GLRA3: variants seen among roughly 807,000 people sequenced by gnomAD.
GLRA3 encodes the protein glycine receptor alpha 3.
In GLRA3, 44 loss-of-function variants were observed where a neutral mutation model predicts 60.4. The observed-to-expected ratio is 0.73, with a 90% CI of 0.57 to 0.94. The LOEUF is 0.94. Among genes scored for constraint, GLRA3 ranks in the 40% least tolerant of loss-of-function variants. GLRA3 has a pLI of 0.00. For synonymous variants in GLRA3, 223 were observed against 192.9 expected (o/e 1.16, Z -1.29); for missense variants, 508 against 564.6 (o/e 0.90, Z 1.02).
chr4:174,786,818 C>CA (rs1249741276), intron 2 of GLRA3, among the ~76,000 whole-genome samples: 2 of 152,036 alleles, frequency 1.3e-5, no homozygotes, highest in Non-Finnish European at 2.9e-5. Context: ...ATGTTCAGAG[C>CA]ACAAGATATT....
chr4:174,653,700 A>T (rs1733100854), intron 9 of GLRA3, among the ~76,000 whole-genome samples: 1 of 152,042 alleles, frequency 6.6e-6, no homozygotes, highest in African/African-American at 2.4e-5. Context: ...TGTTAGATTC[A>T]CTTACTGCCA....
chr4:174,702,193 C>T (rs186595725), intron 5 of GLRA3, among the ~76,000 whole-genome samples: 83 of 152,238 alleles, frequency 5.5e-4, no homozygotes, highest in African/African-American at 1.9e-3. Flanking sequence ...CTTCAGCAAC[C>T]AGCATCCCAT....
intron 3 of GLRA3, among the ~76,000 whole-genome samples, chr4:174,736,448 A>C (rs370425836): frequency 9.7e-4 from 147 of 152,238 alleles, no homozygotes; most frequent in African/African-American, 3.3e-3. Context: ...CCCACAAGGA[A>C]ATCCTGTATC....
rs540096155 is a variant in GLRA3, at chr4:174,677,766, G to A, written c.713-474C>T. 3.3e-5 allele frequency among the ~76,000 whole-genome samples: 5 copies of A among 152,258 alleles called. No homozygotes were observed. In the South Asian group the frequency reaches 1.0e-3, roughly 32 times the overall value. ...TATTTTTCACTGTTAGCATCAAGAAGCAATGTAGTAAAGAGAGCGTACTCT... is the reference window on the plus strand; with the variant it reads ...TATTTTTCACTGTTAGCATCAAGAAACAATGTAGTAAAGAGAGCGTACTCT... On this transcript the variant is annotated intron_variant, in intron 6 of 9. Coordinates refer to ENST00000274093, the MANE Select transcript of GLRA3 (RefSeq NM_006529.4).
rs1005556410 is a variant in GLRA3, at chr4:174,780,376, C to T, written c.199+8440G>A. 2.4e-3 allele frequency among the ~76,000 whole-genome samples: 366 copies of T among 151,792 alleles called. 1 individual carries two copies. Among genetic ancestry groups the T allele is most frequent in the South Asian group, 5.2e-3 (25 of 4,768 alleles). On this transcript the variant is annotated intron_variant, in intron 2 of 9. Coordinates refer to ENST00000274093, the MANE Select transcript of GLRA3 (RefSeq NM_006529.4). ...GCAAAATCATGCCAAAATGTAAAGA[C>T]CATCGAGACTAGGAAGAAACTGCAT... is the stretch of plus-strand genomic sequence containing the variant.
At chr4:174,766,175 T>A (rs1738136788) in intron 3 of GLRA3, among the ~76,000 whole-genome samples, 1 of 152,050 alleles carries the variant, frequency 6.6e-6, no homozygotes, top group Non-Finnish European at 1.5e-5. Flanking sequence ...TATATCATCT[T>A]TTAGTTAATA....
At chr4:174,741,037 C>G (rs1195336851) in intron 3 of GLRA3, among the ~76,000 whole-genome samples, 2 of 152,124 alleles carry the variant, frequency 1.3e-5, no homozygotes. Context: ...CTGATGTATA[C>G]ACTTGTGTAT....
At chr4:174,690,670 C>T (rs915708026) in intron 5 of GLRA3, among the ~76,000 whole-genome samples, 3 of 152,106 alleles carry the variant, frequency 2.0e-5, no homozygotes, top group African/African-American at 7.2e-5. Flanking sequence ...CCTCTCCCAC[C>T]TCAAGTAGAT....
chr4:174,745,223 A>T lies in GLRA3; in HGVS notation c.268-16525T>A, dbSNP rs562911761. On this transcript the variant is annotated intron_variant, in intron 3 of 9. Coordinates refer to ENST00000274093, the MANE Select transcript of GLRA3 (RefSeq NM_006529.4). ...AAATGTTAAAAGGGTTTGAAAGCCT[A>T]TTTAATGAAATAATAGATGAATACT... 2.0e-5 allele frequency among the ~76,000 whole-genome samples: 3 copies of T among 152,350 alleles called. No homozygotes were observed. The East Asian group carries it at 5.8e-4, about 29-fold the overall frequency.
At chr4:174,814,654 A>G (rs1294309175) in intron 1 of GLRA3, among the ~76,000 whole-genome samples, 2 of 152,206 alleles carry the variant, frequency 1.3e-5, no homozygotes, top group East Asian at 3.9e-4. Flanking sequence ...TCTTACATAG[A>G]TTGCAGCAGA....
At chr4:174,783,198 G>C (rs914889588) in intron 2 of GLRA3, among the ~76,000 whole-genome samples, 2 of 151,330 alleles carry the variant, frequency 1.3e-5, no homozygotes, top group Non-Finnish European at 1.5e-5. Flanking sequence ...TGACAAACCT[G>C]AGAAAAACAA....
At chr4:174,823,462 T>A (rs1447761056) in intron 1 of GLRA3, among the ~76,000 whole-genome samples, 1 of 152,054 alleles carries the variant, frequency 6.6e-6, no homozygotes, top group Non-Finnish European at 1.5e-5. Flanking sequence ...GAGGCAGAAG[T>A]TGCAGTGAGC....
At chr4:174,798,691 A>G (rs200772636) in intron 1 of GLRA3, among the ~76,000 whole-genome samples, 119 of 152,322 alleles carry the variant, frequency 7.8e-4, no homozygotes, top group East Asian at 9.7e-4. Flanking sequence ...TTGGGAGGCC[A>G]AGGCGGGCGG....
At chr4:174,826,218 G>A (rs1740961149) in intron 1 of GLRA3, among the ~76,000 whole-genome samples, 1 of 152,134 alleles carries the variant, frequency 6.6e-6, no homozygotes. Context: ...TAATTTTGAT[G>A]TATTCATATA....
intron 1 of GLRA3, among the ~76,000 whole-genome samples, chr4:174,813,834 T>C (rs1015993101): frequency 2.0e-5 from 3 of 152,228 alleles, no homozygotes; most frequent in Admixed American, 1.3e-4. Flanking sequence ...TCTTTCTAAG[T>C]ATTTCCAAAT....
At chr4:174,798,996 A>G (rs1739699112) in intron 1 of GLRA3, among the ~76,000 whole-genome samples, 1 of 152,180 alleles carries the variant, frequency 6.6e-6, no homozygotes, top group South Asian at 2.1e-4. Flanking sequence ...ATGGGCTACT[A>G]GGATCTTGAT....
chr4:174,803,716 G>T (rs1229251191), intron 1 of GLRA3, among the ~76,000 whole-genome samples: 2 of 152,152 alleles, frequency 1.3e-5, no homozygotes, highest in African/African-American at 4.8e-5. Flanking sequence ...TAATTGAAAT[G>T]AAGAGAAATC....
intron 4 of GLRA3, among the ~76,000 whole-genome samples, chr4:174,723,517 G>T (rs1031152322): frequency 6.6e-6 from 1 of 152,010 alleles, no homozygotes; most frequent in East Asian, 1.9e-4. Flanking sequence ...TGATAATCAT[G>T]TAAGATATGT....
At chr4:174,682,964 G>T (rs369341906) in intron 5 of GLRA3, 25 bp from the exon 6 acceptor site, 1 of 1,589,512 alleles carries the variant, frequency 6.3e-7, no homozygotes, top group African/African-American at 1.3e-5. Context: ...ATAAAAATAT[G>T]AATAGTCTAA....
Sources: gnomAD v4.1 joint callset for allele counts (sites outside exome capture counted in the v4.1 genomes callset) on GRCh38, gnomAD v4.1.1 for gene constraint, MANE v1.5 for transcripts, NCBI Gene and HGNC (gene_info 2026-07-23, HGNC 2026-07-21) for gene names.